The following TMEM178A variants were observed in gnomAD, a reference collection of about 807,000 sequenced individuals.
TMEM178A encodes transmembrane protein 178A.
A neutral mutation model predicts 29.1 loss-of-function variants in TMEM178A; 12 were observed. The ratio of observed to expected loss-of-function variants is 0.41; its 90% CI spans 0.26 to 0.67. TMEM178A has a LOEUF of 0.67. TMEM178A is among the 30% of genes least tolerant of loss of function. The probability of loss-of-function intolerance (pLI) is 0.29; values close to 1 mark genes in which losing one functional copy is unlikely to be tolerated. For missense variants in TMEM178A, 366 were observed against 419.1 expected (o/e 0.87, Z 1.11); for synonymous variants, 210 against 187.2 (o/e 1.12, Z -0.99).
At chr2:39,705,878 C>T (rs1351374347) in intron 2 of TMEM178A, among the ~76,000 whole-genome samples, 1 of 152,166 alleles carries the variant, frequency 6.6e-6, no homozygotes. Context: ...CGTGCATTTG[C>T]CCAGACCTGT....
the TMEM178A span, among the ~76,000 whole-genome samples, chr2:39,725,432 T>C: frequency 6.6e-6 from 1 of 152,182 alleles, no homozygotes; most frequent in African/African-American, 2.4e-5. Flanking sequence ...CACGATTCCA[T>C]ACATTCCAAT....
At chr2:39,666,572 G>C (rs1670171289) in intron 1 of TMEM178A, among the ~76,000 whole-genome samples, 198 bp downstream of exon 1, 1 of 151,872 alleles carries the variant, frequency 6.6e-6, no homozygotes, top group Admixed American at 6.6e-5. Context: ...CCCTCTCCTT[G>C]ACTCTCTTCT....
downstream of TMEM178A, among the ~76,000 whole-genome samples, chr2:39,720,836 A>G (rs573776072): frequency 3.9e-5 from 6 of 152,364 alleles, no homozygotes; most frequent in South Asian, 1.2e-3. Context: ...CTAAATGGAA[A>G]GAGAATATAG....
chr2:39,699,547 C>G (rs1671690667), intron 1 of TMEM178A, among the ~76,000 whole-genome samples: 1 of 151,744 alleles, frequency 6.6e-6, no homozygotes, highest in South Asian at 2.1e-4. Context: ...GCCTACATCT[C>G]CTGGGCTTAA....
intron 3 of TMEM178A, among the ~76,000 whole-genome samples, chr2:39,708,611 G>T (rs1672156779): frequency 6.6e-6 from 1 of 151,148 alleles, no homozygotes; most frequent in Non-Finnish European, 1.5e-5. Flanking sequence ...TAGAGACGGG[G>T]TTTCACCGTG....
downstream of TMEM178A, among the ~76,000 whole-genome samples, chr2:39,718,384 G>C (rs1367921451): frequency 6.6e-6 from 1 of 152,062 alleles, no homozygotes; most frequent in Admixed American, 6.6e-5. Flanking sequence ...ACCTAAACAG[G>C]GCCTCACCCC....
In TMEM178A at chr2:39,666,206, C is replaced by T. The variant is rs772779720; in HGVS notation, c.232C>T (p.Leu78Phe). The change falls in exon 1 of 4, where the codon CTC (leucine) becomes TTC (phenylalanine). Residue 78 changes from leucine to phenylalanine, a missense_variant. Physicochemically the swap from Leu to Phe is conservative, Grantham distance 22. This residue lies in a region of TMEM178A where 247 missense variants were observed against 246.8 expected (regional missense o/e 1.00). Coordinates refer to ENST00000281961, the MANE Select transcript of TMEM178A (RefSeq NM_152390.3). Reference sequence around the variant, plus strand: ...CTCGCCCCCGCTGGGGCGCCGGCTGCTCCCGGGCGGCCCGGGGCGCGCCGA... The same window carrying T: ...CTCGCCCCCGCTGGGGCGCCGGCTGTTCCCGGGCGGCCCGGGGCGCGCCGA... ...RDSPPLGRRL[L>F]PGGPGRADPE... is the part of the protein sequence containing the mutation. The T allele has an allele frequency of 2.4e-5, 33 of 1,376,116 alleles. 1 individual carries two copies. The South Asian group carries it at 5.5e-4, about 23-fold the overall frequency. The allele number at this position is 1,376,116 out of a possible 1,614,324, so 85.2% of individuals were successfully genotyped here.
At chr2:39,692,707 A>G (rs1381596924) in intron 1 of TMEM178A, among the ~76,000 whole-genome samples, 1 of 152,202 alleles carries the variant, frequency 6.6e-6, no homozygotes, top group African/African-American at 2.4e-5. Flanking sequence ...GTGTTAGGAC[A>G]GTATATATGT....
At chr2:39,688,780 A>G (rs1196450346) in intron 1 of TMEM178A, among the ~76,000 whole-genome samples, 1 of 152,232 alleles carries the variant, frequency 6.6e-6, no homozygotes, top group East Asian at 1.9e-4. Context: ...AAAATTCAGA[A>G]ATACAACTCT....
At chr2:39,677,746 G>C (rs567429600) in intron 1 of TMEM178A, among the ~76,000 whole-genome samples, 1 of 150,126 alleles carries the variant, frequency 6.7e-6, no homozygotes, top group Admixed American at 6.6e-5. Flanking sequence ...GCTCCTCTTG[G>C]ACCTCTCGTT....
intron 3 of TMEM178A, among the ~76,000 whole-genome samples, chr2:39,707,950 A>C (rs1672111290): frequency 6.6e-6 from 1 of 152,214 alleles, no homozygotes; most frequent in Non-Finnish European, 1.5e-5. Flanking sequence ...ACACTCATTC[A>C]TTTTAGTCCA....
chr2:39,733,173 G>A, the TMEM178A span, among the ~76,000 whole-genome samples: 3 of 152,178 alleles, frequency 2.0e-5, no homozygotes, highest in African/African-American at 7.2e-5. Flanking sequence ...AATTTCCACA[G>A]TCTACCACCA....
chr2:39,694,763 C>G (rs143101630), intron 1 of TMEM178A, among the ~76,000 whole-genome samples: 1 of 152,122 alleles, frequency 6.6e-6, no homozygotes, highest in Non-Finnish European at 1.5e-5. Flanking sequence ...TTTAAAAATA[C>G]TAAAATTAAT....
At chr2:39,726,981 G>C in the TMEM178A span, among the ~76,000 whole-genome samples, 1 of 152,156 alleles carries the variant, frequency 6.6e-6, no homozygotes, top group Non-Finnish European at 1.5e-5. Context: ...TGGAATTTAA[G>C]ATAAAAAGCT....
At chr2:39,725,719 C>T in the TMEM178A span, among the ~76,000 whole-genome samples, 6 of 152,244 alleles carry the variant, frequency 3.9e-5, no homozygotes, top group South Asian at 2.1e-4. Context: ...TCTGTGAAGC[C>T]GACTTGCTGC....
the TMEM178A span, among the ~76,000 whole-genome samples, chr2:39,726,800 G>T: frequency 1.3e-5 from 2 of 152,110 alleles, no homozygotes; most frequent in Admixed American, 6.5e-5. Flanking sequence ...AATGTGTAAG[G>T]GTTGGGGGTG....
At chr2:39,695,250 A>T (rs1043725695) in intron 1 of TMEM178A, among the ~76,000 whole-genome samples, 6 of 152,096 alleles carry the variant, frequency 3.9e-5, no homozygotes, top group Non-Finnish European at 8.8e-5. Flanking sequence ...AATGTTTAGG[A>T]AATGGTGTAG....
downstream of TMEM178A, chr2:39,718,042 TTTAA>T (rs1341286897): frequency 6.6e-6 from 1 of 152,634 alleles, no homozygotes; most frequent in African/African-American, 2.4e-5. Context: ...ACTCTGTTGT[TTTAA>T]TAAGACTCTT....
intron 1 of TMEM178A, among the ~76,000 whole-genome samples, chr2:39,680,095 A>T (rs1670803387): frequency 6.6e-6 from 1 of 151,898 alleles, no homozygotes; most frequent in South Asian, 2.1e-4. Context: ...GATTTGGGGC[A>T]TGTTCTTTAC....
Sources: gnomAD v4.1 joint callset for allele counts (sites outside exome capture counted in the v4.1 genomes callset) on GRCh38, gnomAD v4.1.1 for gene constraint, gnomAD v4.1.1 regional missense constraint, MANE v1.5 for transcripts, NCBI Gene and HGNC (gene_info 2026-07-23, HGNC 2026-07-21) for gene names.